Variants in GSE1 observed in about 807,000 individuals in gnomAD.
GSE1 encodes Gse1 coiled-coil protein.
GSE1 carries 32 observed loss-of-function variants against 112.6 expected under a neutral mutation model. That is an observed-to-expected ratio of 0.28 (90% CI 0.21 to 0.38). GSE1 has a LOEUF of 0.38. Among genes scored for constraint, GSE1 ranks in the 10% least tolerant of loss-of-function variants. The pLI, the probability that GSE1 is intolerant of heterozygous loss-of-function variation, is 1.00. For synonymous variants in GSE1, 1,115 were observed against 735.6 expected, an observed-to-expected ratio of 1.52 and a Z score of -8.35; for missense variants, 2,348 against 1,699.2, an observed-to-expected ratio of 1.38 and a Z score of -6.71.
At chr16:85,566,010 C>A (rs566987583) in intron 1 of GSE1, among the ~76,000 whole-genome samples, 4 of 152,142 alleles carry the variant, frequency 2.6e-5, no homozygotes, top group Non-Finnish European at 5.9e-5. Context: ...GGTTCCTTAC[C>A]CTCTCTGGAT....
At chr16:85,218,646 A>C (rs2075342199) in intron 1 of GSE1, among the ~76,000 whole-genome samples, 1 of 152,182 alleles carries the variant, frequency 6.6e-6, no homozygotes, top group African/African-American at 2.4e-5. Context: ...AATGGGAGTA[A>C]GAACAGGCCT....
intron 2 of GSE1, among the ~76,000 whole-genome samples, chr16:85,422,297 A>T (rs1406787818): frequency 6.6e-6 from 1 of 152,060 alleles, no homozygotes; most frequent in Non-Finnish European, 1.5e-5. Flanking sequence ...GGCTGTCAGG[A>T]TCCTCCCCGC....
intron 2 of GSE1, among the ~76,000 whole-genome samples, chr16:85,487,724 C>T (rs1567529300): frequency 6.6e-6 from 1 of 151,154 alleles, no homozygotes; most frequent in Non-Finnish European, 1.5e-5. Context: ...GGGCTGTGCC[C>T]TCGGGAAATG....
intron 2 of GSE1, among the ~76,000 whole-genome samples, chr16:85,644,608 C>G (rs1413936342): frequency 6.6e-6 from 1 of 152,174 alleles, no homozygotes; most frequent in African/African-American, 2.4e-5. Flanking sequence ...GTCTCCGGAA[C>G]AGGCCCTTCT....
At chr16:85,632,061 A>C (rs2049581186) in intron 1 of GSE1, among the ~76,000 whole-genome samples, 1 of 152,220 alleles carries the variant, frequency 6.6e-6, no homozygotes, top group South Asian at 2.1e-4. Context: ...TGAGGCTGCC[A>C]GGCAGAGCCC....
chr16:85,430,947 A>T (rs760914398), intron 2 of GSE1, among the ~76,000 whole-genome samples: 62 of 152,200 alleles, frequency 4.1e-4, no homozygotes, highest in Non-Finnish European at 8.4e-4. Flanking sequence ...GCCGCTGCTT[A>T]AGACTCTGCA....
At chr16:85,594,775 A>G (rs958681220) in intron 1 of GSE1, 2 of 152,328 alleles carry the variant, frequency 1.3e-5, no homozygotes, top group Non-Finnish European at 2.9e-5. Flanking sequence ...TGACACCTGC[A>G]CGAAACACAG....
chr16:85,654,245 C>T (rs770457010), intron 3 of GSE1, 33 bp from the exon 4 acceptor site: 11 of 1,560,846 alleles, frequency 7.0e-6, no homozygotes, highest in South Asian at 4.7e-5. Context: ...CTATACCAGG[C>T]TCCTGCCCTG....
chr16:85,420,266 C>T lies in GSE1; in HGVS notation c.2464+62623C>T, dbSNP rs142767596. Among the ~76,000 whole-genome samples the T allele has an allele frequency of 2.8e-4, 43 of 152,204 alleles. No individual in the cohort carries two copies. In the East Asian group the frequency reaches 6.6e-3, roughly 23 times the overall value. On this transcript the variant is annotated intron_variant, in intron 2 of 2. Transcript: ENST00000637419. Reference sequence around the variant, plus strand: ...TTTGAGACAGGGTTTTGCCCTGTCGCCCAGGTTGTCGCCCTAGTACCTCTG... The same window carrying T: ...TTTGAGACAGGGTTTTGCCCTGTCGTCCAGGTTGTCGCCCTAGTACCTCTG...
At chr16:85,178,088 G>A (rs1224875051) in intron 1 of GSE1, among the ~76,000 whole-genome samples, 1 of 152,214 alleles carries the variant, frequency 6.6e-6, no homozygotes, top group Non-Finnish European at 1.5e-5. Context: ...AGAGGTTGAG[G>A]AACCAGTGAA....
At chr16:85,217,452 G>A (rs1390945101) in intron 1 of GSE1, among the ~76,000 whole-genome samples, 1 of 152,202 alleles carries the variant, frequency 6.6e-6, no homozygotes, top group Non-Finnish European at 1.5e-5. Flanking sequence ...ATGAGAAGGT[G>A]GGAGCTGGAA....
chr16:85,555,751 A>C (rs1236606991), upstream of GSE1: 1 of 967,346 alleles, frequency 1.0e-6, no homozygotes, highest in Non-Finnish European at 1.2e-6. Flanking sequence ...CTCGCCCTTG[A>C]CATTCAAATG....
At chr16:85,509,675 A>G (rs999970568) in intron 2 of GSE1, among the ~76,000 whole-genome samples, 1 of 152,238 alleles carries the variant, frequency 6.6e-6, no homozygotes, top group Non-Finnish European at 1.5e-5. Context: ...GGGGAACAAG[A>G]GCCGAATGGC....
chr16:85,386,310 G>A (rs1187012402), intron 2 of GSE1, among the ~76,000 whole-genome samples: 1 of 152,254 alleles, frequency 6.6e-6, no homozygotes, highest in Non-Finnish European at 1.5e-5. Context: ...TAGGTGGGGA[G>A]TTGGATGCTG....
chr16:85,620,876 C>A (rs1598411769), intron 1 of GSE1, among the ~76,000 whole-genome samples: 1 of 151,930 alleles, frequency 6.6e-6, no homozygotes, highest in Non-Finnish European at 1.5e-5. Context: ...GTTGGGGAAC[C>A]CGTTTAGAGG....
At chr16:85,337,289 T>C (rs1463436249) in intron 1 of GSE1, among the ~76,000 whole-genome samples, 1 of 150,942 alleles carries the variant, frequency 6.6e-6, no homozygotes, top group Non-Finnish European at 1.5e-5. Context: ...CTCAGGACTT[T>C]TTTTTTTCTT....
At chr16:85,652,420 C>T (rs886609958) in intron 3 of GSE1, among the ~76,000 whole-genome samples, 2 of 152,236 alleles carry the variant, frequency 1.3e-5, no homozygotes, top group Non-Finnish European at 2.9e-5. Context: ...GTACCTCCCA[C>T]CCTCGAGACC....
rs897226211 is a variant in GSE1 at position 85,668,392 on chromosome 16, C to T, written c.3383C>T (p.Ala1128Val). The change falls in exon 14 of 16, where the codon GCC becomes GTC. Residue 1128 changes from alanine to valine, a missense_variant. Physicochemically the swap from Ala to Val is moderately conservative, Grantham distance 64. Transcript: ENST00000253458. Reference sequence around the variant, plus strand: ...AAGCGCAAGTGGCAAGGGATCGAGGCCGTTTTTGAAGCTTACCAGGAACAC... The same window carrying T: ...AAGCGCAAGTGGCAAGGGATCGAGGTCGTTTTTGAAGCTTACCAGGAACAC... ...VPKRKWQGIEAVFEAYQEHIE... is the reference protein window; with the variant it reads ...VPKRKWQGIEVVFEAYQEHIE... 4.2e-5 allele frequency: 67 copies of T among 1,611,316 alleles called. No individual in the cohort carries two copies. Among genetic ancestry groups the T allele is most frequent in the Non-Finnish European group, 5.3e-5 (63 of 1,179,640 alleles).
At chr16:85,455,452 G>A (rs895884454) in intron 2 of GSE1, among the ~76,000 whole-genome samples, 4 of 151,814 alleles carry the variant, frequency 2.6e-5, no homozygotes, top group African/African-American at 9.7e-5. Context: ...CCCAGTGTAG[G>A]GCTGGGGATG....
Sources: gnomAD v4.1 joint callset for allele counts (sites outside exome capture counted in the v4.1 genomes callset) on GRCh38, gnomAD v4.1.1 for gene constraint, MANE v1.5 for transcripts, NCBI Gene and HGNC (gene_info 2026-07-23, HGNC 2026-07-21) for gene names.